The following NARS2 variants were observed in gnomAD, a reference collection of about 807,000 sequenced individuals.
The protein encoded by NARS2 is asparaginyl-tRNA synthetase.
A neutral mutation model predicts 62.9 loss-of-function variants in NARS2; 60 were observed. The observed-to-expected ratio is 0.95, with a 90% CI of 0.77 to 1.18. NARS2 has a LOEUF of 1.18. Ranked by LOEUF, NARS2 falls within the 50% of genes most tolerant of loss-of-function variation. The probability of loss-of-function intolerance (pLI) is 0.00; values close to 1 mark genes in which losing one functional copy is unlikely to be tolerated. For missense variants in NARS2, 619 were observed against 576.4 expected (o/e 1.07, Z -0.76); for synonymous variants, 196 against 200.0 (o/e 0.98, Z 0.17).
At chr11:78,518,026 A>T (rs183998143) in intron 6 of NARS2, among the ~76,000 whole-genome samples, 17 of 152,350 alleles carry the variant, frequency 1.1e-4, no homozygotes, top group Non-Finnish European at 2.1e-4. Context: ...CTTAACTCCC[A>T]TTGTGGGCTC....
chr11:78,478,297 T>C (rs1859192140), intron 9 of NARS2, 141 bp downstream of exon 9: 2 of 267,526 alleles, frequency 7.5e-6, no homozygotes, highest in Admixed American at 5.5e-5. Flanking sequence ...GGAGTGTCTA[T>C]ATATAGACAT....
chr11:78,540,068 G>A (rs4363634), intron 5 of NARS2, among the ~76,000 whole-genome samples: 151,507 of 152,326 alleles, frequency 0.99, 75,373 homozygotes, highest in Middle Eastern at 1. Flanking sequence ...TAAAACTTAC[G>A]TTAGTGCAAT....
intron 3 of NARS2, among the ~76,000 whole-genome samples, chr11:78,568,056 T>C (rs369361643): frequency 6.6e-6 from 1 of 152,250 alleles, no homozygotes. Context: ...CATGTCTTAA[T>C]ACAGAATTTC....
intron 11 of NARS2, 130 bp from the exon 12 acceptor site, chr11:78,443,888 T>C (rs1007022890): frequency 8.0e-6 from 5 of 627,958 alleles, no homozygotes; most frequent in African/African-American, 7.4e-5. Flanking sequence ...ACTGACTACA[T>C]ACAAATTATA....
chr11:78,554,749 T>C (rs529193051), intron 5 of NARS2, among the ~76,000 whole-genome samples: 1 of 152,348 alleles, frequency 6.6e-6, no homozygotes, highest in East Asian at 1.9e-4. Context: ...TCTTCCTATT[T>C]AGATGTCCTT....
chr11:78,437,670 T>C (rs2135126664), intron 13 of NARS2, among the ~76,000 whole-genome samples: 1 of 152,202 alleles, frequency 6.6e-6, no homozygotes, highest in Non-Finnish European at 1.5e-5. Context: ...TTGAGTTATA[T>C]AATATTGATT....
intron 6 of NARS2, among the ~76,000 whole-genome samples, chr11:78,521,968 G>A (rs888370304): frequency 2.0e-4 from 31 of 152,018 alleles, no homozygotes; most frequent in African/African-American, 4.8e-4. Context: ...CAAAGAGGCA[G>A]CAACAATCTC....
intron 3 of NARS2, among the ~76,000 whole-genome samples, chr11:78,567,201 A>G (rs1204762175): frequency 6.6e-6 from 1 of 152,182 alleles, no homozygotes; most frequent in African/African-American, 2.4e-5. Context: ...CCCACAGGGG[A>G]TATGTTCCAA....
Position 78,458,812 on chromosome 11 carries a change from A to G in NARS2, c.1164+7064T>C, listed in dbSNP as rs1591143802. 3.9e-5 allele frequency among the ~76,000 whole-genome samples: 6 copies of G among 152,300 alleles called. No individual in the cohort carries two copies. In the South Asian group the frequency reaches 8.3e-4, roughly 21 times the overall value. ...AAATCTCATCTTGAATTGTACTTCC[A>G]TAATTCCCACTTGTTGTGGGAGATA... On this transcript the variant is annotated intron_variant, in intron 11 of 13. Coordinates refer to ENST00000281038, the MANE Select transcript of NARS2 (RefSeq NM_024678.6).
rs112852974 is a variant in NARS2, at chr11:78,539,703, T to C, written c.595-10767A>G. Among the ~76,000 whole-genome samples, 1,357 of 152,268 alleles carry C rather than the reference T, an allele frequency of 8.9e-3. 28 individuals are homozygous for C. Among genetic ancestry groups the C allele is most frequent in the African/African-American group, 0.031 (1,288 of 41,540 alleles). The stretch of plus-strand genomic sequence containing the variant: ...AGAGATTACAGATTAGTGCTTCTCA[T>C]TGATGATGATAGTGTTCCCTAGAAA... On this transcript the variant is annotated intron_variant, in intron 5 of 13. Transcript: ENST00000281038.
At chr11:78,501,421 A>T (rs1860278636) in intron 6 of NARS2, among the ~76,000 whole-genome samples, 1 of 152,250 alleles carries the variant, frequency 6.6e-6, no homozygotes, top group African/African-American at 2.4e-5. Context: ...GATTCCCCTG[A>T]GAGGATGTGA....
intron 9 of NARS2, 78 bp downstream of exon 9, chr11:78,478,360 T>C (rs1346561855): frequency 3.4e-6 from 2 of 596,664 alleles, no homozygotes; most frequent in Middle Eastern, 5.5e-4. Context: ...TAAGCAGATA[T>C]AAATTTAAAA....
chr11:78,465,228 GAA>G (rs1839010576), intron 11 of NARS2, among the ~76,000 whole-genome samples: 1 of 152,238 alleles, frequency 6.6e-6, no homozygotes, highest in African/African-American at 2.4e-5. Flanking sequence ...CACCCACCTG[GAA>G]CTCGCACTGG....
intron 9 of NARS2, among the ~76,000 whole-genome samples, chr11:78,473,040 C>T (rs1363981650): frequency 6.6e-6 from 1 of 152,206 alleles, no homozygotes; most frequent in African/African-American, 2.4e-5. Context: ...GTGGCCTGCA[C>T]CAGTTGTCTC....
At chr11:78,562,487 C>T (rs1026972444) in intron 4 of NARS2, among the ~76,000 whole-genome samples, 2 of 152,098 alleles carry the variant, frequency 1.3e-5, no homozygotes, top group African/African-American at 4.8e-5. Flanking sequence ...AAAACGCTGC[C>T]ATACAGAGAA....
chr11:78,566,546 G>C (rs546271372), intron 3 of NARS2, among the ~76,000 whole-genome samples: 15 of 152,294 alleles, frequency 9.8e-5, no homozygotes, highest in African/African-American at 3.6e-4. Flanking sequence ...TATTTATCAA[G>C]TTTGTATCCA....
chr11:78,441,152 G>A (rs181676389), intron 12 of NARS2, 35 bp from the exon 13 acceptor site: 15 of 1,591,820 alleles, frequency 9.4e-6, no homozygotes, highest in Admixed American at 3.5e-5. Context: ...TTCAGGGAAC[G>A]GCAATAAGAT....
chr11:78,458,353 T>C (rs1858249748), intron 11 of NARS2, among the ~76,000 whole-genome samples: 1 of 152,166 alleles, frequency 6.6e-6, no homozygotes, highest in African/African-American at 2.4e-5. Context: ...AACACAGCTA[T>C]CTACTTTTCT....
rs796557623 is a variant in NARS2 at position 78,508,587 on chromosome 11, CA to C, written c.690-15393del. Among the ~76,000 whole-genome samples the C allele has an allele frequency of 2.1e-4, 12 of 57,808 alleles. No homozygotes were observed. In the East Asian group the frequency reaches 2.5e-3, roughly 12 times the overall value. 37.9% of individuals were successfully genotyped at this position (57,808 alleles called of 152,430 possible). ...CAAGTGACAGAGGGTGACTCCATCT[CA>C]AAAAAAAAAAACAAAAAACAAAAAA... On this transcript the variant is annotated intron_variant, in intron 6 of 13. Transcript: ENST00000281038.
Sources: gnomAD v4.1 joint callset for allele counts (sites outside exome capture counted in the v4.1 genomes callset) on GRCh38, gnomAD v4.1.1 for gene constraint, MANE v1.5 for transcripts, NCBI Gene and HGNC (gene_info 2026-07-23, HGNC 2026-07-21) for gene names.